Variants in GPHN observed in about 807,000 individuals in gnomAD.
The protein encoded by GPHN is gephyrin.
GPHN carries 17 observed loss-of-function variants against 95.5 expected under a neutral mutation model. The ratio of observed to expected loss-of-function variants is 0.18; its 90% CI spans 0.12 to 0.27. The LOEUF is 0.27. Among genes scored for constraint, GPHN ranks in the 10% least tolerant of loss-of-function variants. The probability of loss-of-function intolerance (pLI) is 1.00; values close to 1 mark genes in which losing one functional copy is unlikely to be tolerated. For missense variants in GPHN, 660 were observed against 978.1 expected, an observed-to-expected ratio of 0.67 and a Z score of 4.34; for synonymous variants, 320 against 322.5, an observed-to-expected ratio of 0.99 and a Z score of 0.08.
chr14:66,936,464 G>C (rs1456607675), intron 8 of GPHN, among the ~76,000 whole-genome samples: 1 of 152,048 alleles, frequency 6.6e-6, no homozygotes, highest in East Asian at 1.9e-4. Flanking sequence ...TCTAAGAATT[G>C]TAAACAATCG....
chr14:67,198,891 C>A, the GPHN span: 20 of 686,926 alleles, frequency 2.9e-5, no homozygotes, highest in Middle Eastern at 7.0e-4. Context: ...AGGGGTCATA[C>A]CTCTAAAGTT....
the GPHN span, among the ~76,000 whole-genome samples, chr14:67,432,194 C>T: frequency 2.0e-5 from 3 of 152,108 alleles, no homozygotes; most frequent in Non-Finnish European, 2.9e-5. Flanking sequence ...ATATGTTGGC[C>T]CTAAATCATT....
chr14:67,211,310 C>CA, the GPHN span, among the ~76,000 whole-genome samples: 33 of 151,662 alleles, frequency 2.2e-4, no homozygotes, highest in Admixed American at 5.9e-4. Flanking sequence ...GCAAACTGAA[C>CA]AAAAAAAACC....
intron 9 of GPHN, among the ~76,000 whole-genome samples, chr14:67,014,343 T>C (rs1594818524): frequency 6.6e-6 from 1 of 152,170 alleles, no homozygotes. Context: ...TTATGACTTA[T>C]ACAGTGTTAT....
At chr14:66,608,990 T>C (rs2062665455) in intron 1 of GPHN, among the ~76,000 whole-genome samples, 1 of 152,174 alleles carries the variant, frequency 6.6e-6, no homozygotes, top group South Asian at 2.1e-4. Flanking sequence ...CATTCTGGGT[T>C]GGCATTGATA....
chr14:66,877,081 A>T (rs921666886), intron 4 of GPHN, among the ~76,000 whole-genome samples: 1 of 152,210 alleles, frequency 6.6e-6, no homozygotes, highest in Non-Finnish European at 1.5e-5. Context: ...AGGCTGGTTC[A>T]CATATGCAAA....
the GPHN span, among the ~76,000 whole-genome samples, chr14:67,362,641 C>G: frequency 6.6e-6 from 1 of 151,992 alleles, no homozygotes; most frequent in Non-Finnish European, 1.5e-5. Context: ...TGTTAATTGC[C>G]TGATTTGACA....
chr14:66,690,760 C>T (rs942732272), intron 2 of GPHN, among the ~76,000 whole-genome samples: 1 of 151,874 alleles, frequency 6.6e-6, no homozygotes, highest in Non-Finnish European at 1.5e-5. Flanking sequence ...ATGTAATGAC[C>T]TTCTTTGTTT....
the GPHN span, among the ~76,000 whole-genome samples, chr14:67,357,505 G>A: frequency 6.6e-5 from 10 of 152,270 alleles, no homozygotes; most frequent in East Asian, 1.7e-3. Flanking sequence ...TCACCTTCAT[G>A]AGCCTATCAT....
chr14:67,348,837 G>C, the GPHN span: 1 of 537,504 alleles, frequency 1.9e-6, no homozygotes, highest in African/African-American at 1.9e-5. Flanking sequence ...GCCTTCTTAA[G>C]TGTTCACTTC....
intron 10 of GPHN, among the ~76,000 whole-genome samples, chr14:67,056,375 G>A (rs1056158358): frequency 4.6e-5 from 7 of 151,334 alleles, no homozygotes; most frequent in South Asian, 4.2e-4. Flanking sequence ...TGAGCAAGAC[G>A]CAGAGCACTG....
the GPHN span, among the ~76,000 whole-genome samples, chr14:67,652,913 C>A: frequency 6.6e-6 from 1 of 152,108 alleles, no homozygotes. Context: ...GTCTCAGCCT[C>A]CTGAGTAGCT....
the GPHN span, chr14:67,733,925 A>C: frequency 9.2e-7 from 1 of 1,085,924 alleles, no homozygotes; most frequent in Non-Finnish European, 1.4e-6. Context: ...GCCAACCCTA[A>C]AGGATTGTCC....
At chr14:66,906,188 A>G (rs958649441) in intron 5 of GPHN, among the ~76,000 whole-genome samples, 5 of 152,250 alleles carry the variant, frequency 3.3e-5, no homozygotes, top group Admixed American at 6.5e-5. Flanking sequence ...CACCTCCTAC[A>G]GCGTGGTACT....
intron 4 of GPHN, among the ~76,000 whole-genome samples, chr14:66,879,126 A>G (rs981919016): frequency 6.6e-6 from 1 of 152,136 alleles, no homozygotes; most frequent in Non-Finnish European, 1.5e-5. Context: ...CAAACACTAC[A>G]TGTTCTCACT....
intron 1 of GPHN, among the ~76,000 whole-genome samples, chr14:66,641,394 T>G (rs2064401141): frequency 6.6e-6 from 1 of 152,214 alleles, no homozygotes; most frequent in African/African-American, 2.4e-5. Flanking sequence ...TATTTTTCAC[T>G]TACAGTGGGT....
chr14:67,093,116 G>A (rs2077206777), intron 12 of GPHN, among the ~76,000 whole-genome samples: 1 of 152,072 alleles, frequency 6.6e-6, no homozygotes, highest in Non-Finnish European at 1.5e-5. Flanking sequence ...TATTTTCAGA[G>A]TCATAGGTAA....
chr14:66,892,609 T>C (rs2064574729), intron 5 of GPHN, among the ~76,000 whole-genome samples: 1 of 152,224 alleles, frequency 6.6e-6, no homozygotes, highest in African/African-American at 2.4e-5. Context: ...TTCTAACACT[T>C]GCTACAACAT....
intron 1 of GPHN, among the ~76,000 whole-genome samples, chr14:66,538,029 A>G (rs1162124373): frequency 1.3e-5 from 2 of 152,104 alleles, no homozygotes; most frequent in Non-Finnish European, 2.9e-5. Flanking sequence ...ATGGGGTCTC[A>G]CTATGTTGAC....
Sources: gnomAD v4.1 joint callset for allele counts (sites outside exome capture counted in the v4.1 genomes callset) on GRCh38, gnomAD v4.1.1 for gene constraint, MANE v1.5 for transcripts, NCBI Gene and HGNC (gene_info 2026-07-23, HGNC 2026-07-21) for gene names.